Variants in SLC2A13 observed in about 807,000 individuals in gnomAD.
SLC2A13 encodes the protein solute carrier family 2 member 13, also known as proton myo-inositol cotransporter.
SLC2A13 carries 32 observed loss-of-function variants against 64.4 expected under a neutral mutation model. The ratio of observed to expected loss-of-function variants is 0.50; its 90% CI spans 0.37 to 0.67. The LOEUF (loss-of-function observed/expected upper bound fraction) is 0.67. Ranked by LOEUF, SLC2A13 falls within the 30% of genes least tolerant of loss-of-function variation. The pLI, the probability that SLC2A13 is intolerant of heterozygous loss-of-function variation, is 0.00. For missense variants in SLC2A13, 743 were observed against 829.2 expected (o/e 0.90, Z 1.28); for synonymous variants, 338 against 327.1 (o/e 1.03, Z -0.36).
At chr12:40,025,614 G>C (rs761184752) in intron 3 of SLC2A13, among the ~76,000 whole-genome samples, 31 of 152,158 alleles carry the variant, frequency 2.0e-4, no homozygotes, top group Non-Finnish European at 3.8e-4. Flanking sequence ...ATAAGAAATA[G>C]GGTGTCTTAA....
chr12:39,892,887 G>T (rs1944647034), intron 4 of SLC2A13, among the ~76,000 whole-genome samples: 1 of 152,100 alleles, frequency 6.6e-6, no homozygotes, highest in Non-Finnish European at 1.5e-5. Context: ...AAGCAAAATT[G>T]TAGAGCTTTA....
chr12:39,977,807 A>G (rs2136141121), intron 3 of SLC2A13, among the ~76,000 whole-genome samples: 1 of 152,378 alleles, frequency 6.6e-6, no homozygotes, highest in Middle Eastern at 3.4e-3. Context: ...ATCAAAAAGA[A>G]GAGATTCCTA....
intron 7 of SLC2A13, among the ~76,000 whole-genome samples, chr12:39,780,620 C>T (rs10747879): frequency 0.96 from 146,436 of 152,316 alleles, 70,413 homozygotes; most frequent in East Asian, 1. Flanking sequence ...GAAAGGATGC[C>T]TGGATGAGCT....
chr12:39,847,615 A>G (rs1943353462), intron 6 of SLC2A13, among the ~76,000 whole-genome samples: 1 of 152,044 alleles, frequency 6.6e-6, no homozygotes. Flanking sequence ...TGGGTACAGT[A>G]AAAGGATAGG....
At chr12:39,967,337 G>C (rs1018500464) in intron 3 of SLC2A13, among the ~76,000 whole-genome samples, 1 of 152,120 alleles carries the variant, frequency 6.6e-6, no homozygotes, top group Non-Finnish European at 1.5e-5. Flanking sequence ...TATTTATGCT[G>C]TATTTTAGCA....
chr12:39,956,886 C>A (rs557772826), intron 3 of SLC2A13, among the ~76,000 whole-genome samples: 30 of 152,194 alleles, frequency 2.0e-4, no homozygotes, highest in Non-Finnish European at 4.1e-4. Context: ...AGTAAAGATG[C>A]CCCTGTGGAG....
At chr12:39,980,391 G>C (rs1446427863) in intron 3 of SLC2A13, among the ~76,000 whole-genome samples, 1 of 151,852 alleles carries the variant, frequency 6.6e-6, no homozygotes, top group Non-Finnish European at 1.5e-5. Context: ...GTTGGATAAA[G>C]AGTCAAGACC....
At chr12:40,004,783 T>C (rs987075277) in intron 3 of SLC2A13, among the ~76,000 whole-genome samples, 8 of 152,174 alleles carry the variant, frequency 5.3e-5, no homozygotes, top group African/African-American at 1.2e-4. Flanking sequence ...GATTAATATA[T>C]ATTTTTAAGT....
At chr12:39,851,099 T>A (rs1592204132) in intron 6 of SLC2A13, among the ~76,000 whole-genome samples, 1 of 152,004 alleles carries the variant, frequency 6.6e-6, no homozygotes, top group Non-Finnish European at 1.5e-5. Flanking sequence ...GGGGTTTCAC[T>A]ATGTTGGCCA....
rs568654641 is a variant in SLC2A13 at position 39,771,278 on chromosome 12, G to A, written c.1446-6420C>T. On this transcript the variant is annotated intron_variant, in intron 7 of 9. Transcript: ENST00000280871. ...TGGGAGTGACCTTGGATTTGCTTCC[G>A]ACCAACAGAATATGGCAAAAGTGAC... Among the ~76,000 whole-genome samples, 4 of 152,096 alleles carry A rather than the reference G, an allele frequency of 2.6e-5. No individual in the cohort carries two copies. The East Asian group carries it at 7.8e-4, about 29-fold the overall frequency.
In SLC2A13 at chr12:39,849,140, A is replaced by T. The variant is rs545920642; in HGVS notation, c.1319+15622T>A. Among the ~76,000 whole-genome samples the T allele has an allele frequency of 2.6e-4, 40 of 152,260 alleles. 1 individual carries two copies. Among genetic ancestry groups the T allele is most frequent in the Non-Finnish European group, 4.4e-4 (30 of 68,012 alleles). ...CCCCTGTGACATGTTTGTCTATATA[A>T]CAAACCTTCACATGTACCACAAAAC... On this transcript the variant is annotated intron_variant, in intron 6 of 9. Coordinates refer to ENST00000280871, the MANE Select transcript of SLC2A13 (RefSeq NM_052885.4).
intron 3 of SLC2A13, among the ~76,000 whole-genome samples, chr12:39,981,279 G>C (rs1309494488): frequency 1.3e-5 from 2 of 150,912 alleles, no homozygotes; most frequent in East Asian, 3.9e-4. Context: ...AAAAGCAAGA[G>C]CAAACACATT....
chr12:39,871,563 A>G (rs114543136), intron 5 of SLC2A13, among the ~76,000 whole-genome samples: 1,613 of 152,214 alleles, frequency 0.011, 24 homozygotes, highest in African/African-American at 0.035. Flanking sequence ...TACCCTCAGT[A>G]GATCCAAATT....
chr12:39,835,182 T>C (rs772134455), intron 6 of SLC2A13, among the ~76,000 whole-genome samples: 1 of 152,074 alleles, frequency 6.6e-6, no homozygotes. Context: ...TTTGTCCCCT[T>C]CCACAGTGTG....
intron 3 of SLC2A13, among the ~76,000 whole-genome samples, chr12:40,017,303 T>A (rs1947636386): frequency 6.6e-6 from 1 of 152,222 alleles, no homozygotes. Context: ...TCCAGAGACA[T>A]ATCACAAAGG....
intron 4 of SLC2A13, among the ~76,000 whole-genome samples, chr12:39,886,930 A>T (rs1476177584): frequency 6.6e-6 from 1 of 152,216 alleles, no homozygotes; most frequent in African/African-American, 2.4e-5. Context: ...CGTATGTTAA[A>T]TCATTCAGTC....
intron 7 of SLC2A13, among the ~76,000 whole-genome samples, chr12:39,784,471 G>T (rs1392727507): frequency 6.6e-6 from 1 of 152,144 alleles, no homozygotes. Flanking sequence ...GCAAGAAATG[G>T]GGAAAGGATT....
intron 1 of SLC2A13, among the ~76,000 whole-genome samples, chr12:40,052,970 T>C (rs1337202173): frequency 6.6e-6 from 1 of 152,108 alleles, no homozygotes; most frequent in African/African-American, 2.4e-5. Context: ...ATGTTATCAT[T>C]TTGTCTTATC....
intron 1 of SLC2A13, among the ~76,000 whole-genome samples, chr12:40,060,843 G>C (rs10506143): frequency 0.014 from 2,106 of 152,194 alleles, 129 homozygotes; most frequent in Admixed American, 0.095. Context: ...AAATGATAAA[G>C]ATGTAGAAAA....
Sources: allele counts gnomAD v4.1 joint callset (sites outside exome capture counted in the v4.1 genomes callset), GRCh38; gene constraint gnomAD v4.1.1; transcripts MANE v1.5; gene names NCBI Gene and HGNC (gene_info 2026-07-23, HGNC 2026-07-21).